TYW1: variants seen among roughly 807,000 people sequenced by gnomAD.
TYW1 encodes the protein S-adenosyl-L-methionine-dependent tRNA 4-demethylwyosine synthase TYW1.
A neutral mutation model predicts 96.2 loss-of-function variants in TYW1; 46 were observed. The observed-to-expected ratio is 0.48, with a 90% CI of 0.38 to 0.61. The LOEUF (loss-of-function observed/expected upper bound fraction) is 0.61, where lower values mean the gene tolerates loss of function less well. TYW1 is among the 20% of genes least tolerant of loss of function. The probability of loss-of-function intolerance (pLI) is 0.00; values close to 1 mark genes in which losing one functional copy is unlikely to be tolerated. For synonymous variants in TYW1, 274 were observed against 323.0 expected (o/e 0.85, Z 1.63); for missense variants, 684 against 909.6 (o/e 0.75, Z 3.19).
intron 12 of TYW1, among the ~76,000 whole-genome samples, chr7:67,101,882 A>T (rs1250646046): frequency 6.6e-6 from 1 of 152,236 alleles, no homozygotes; most frequent in Non-Finnish European, 1.5e-5. Flanking sequence ...GTATTGTCAT[A>T]AAGATATCTA....
Position 67,022,138 on chromosome 7 carries a change from G to C in TYW1, c.862-2762G>C, listed in dbSNP as rs557361928. On this transcript the variant is annotated intron_variant, in intron 6 of 15. Transcript: ENST00000359626. ...GTGTTGCCCAGGCTGGTCTCAAACT[G>C]CTGAGCTCAAGCGATCCTCCTGCCT... is the stretch of plus-strand genomic sequence containing the variant. 5.5e-4 allele frequency among the ~76,000 whole-genome samples: 83 copies of C among 152,248 alleles called. 1 individual carries two copies. Among genetic ancestry groups the C allele is most frequent in the Middle Eastern group, 3.4e-3 (1 of 294 alleles).
intron 11 of TYW1, among the ~76,000 whole-genome samples, chr7:67,085,350 A>G (rs940833196): frequency 2.6e-5 from 4 of 152,134 alleles, no homozygotes; most frequent in Non-Finnish European, 5.9e-5. Flanking sequence ...TGGTGTTCTC[A>G]TGATAGTGAG....
At chr7:67,076,417 CTG>C (rs1796207950) in intron 10 of TYW1, among the ~76,000 whole-genome samples, 1 of 152,104 alleles carries the variant, frequency 6.6e-6, no homozygotes, top group Admixed American at 6.6e-5. Flanking sequence ...ATGCACAACT[CTG>C]TGATTATAGC....
Position 67,183,128 on chromosome 7 carries a change from A to G in TYW1, c.1701A>G (p.Gln567=), listed in dbSNP as rs546341528. The change falls in exon 14 of 16, where the codon CAA becomes CAG. Residue 567 remains glutamine (Q), a splice_region_variant and synonymous_variant. Coordinates refer to ENST00000359626, the MANE Select transcript of TYW1 (RefSeq NM_018264.4). ...ACTTGGCTTTTCCTTTGTTTTAGCAACAACGAACTGTCTACAGACTGACGC... is the reference window on the plus strand; with the variant it reads ...ACTTGGCTTTTCCTTTGTTTTAGCAGCAACGAACTGTCTACAGACTGACGC... ...LDSLKALAVK[Q]QRTVYRLTLV... 2 of 1,607,924 alleles carry G rather than the reference A, an allele frequency of 1.2e-6. No individual in the cohort carries two copies. The highest frequency in any genetic ancestry group is 1.3e-5 in the African/African-American group (1 of 74,736).
intron 6 of TYW1, among the ~76,000 whole-genome samples, chr7:67,021,019 C>T (rs1420217289): frequency 1.5e-4 from 23 of 152,386 alleles, no homozygotes; most frequent in East Asian, 1.2e-3. Flanking sequence ...CAGAGCGAGA[C>T]GCTGTCTCCA....
In TYW1 at chr7:67,239,103, C is replaced by T; in HGVS notation, c.*574C>T. 2 of 986,458 alleles carry T rather than the reference C, an allele frequency of 2.0e-6. No individual in the cohort carries two copies. The highest frequency in any genetic ancestry group is 2.4e-6 in the Non-Finnish European group (2 of 830,546). The allele number at this position is 986,458 out of a possible 1,614,324, so 61.1% of individuals were successfully genotyped here. ...AGATTGAGTTTTGGTTTATTACCAA[C>T]CCTTCCCAGAATTGCGTTGGATCTA... On this transcript the variant is annotated 3_prime_UTR_variant, in exon 16 of 16. Coordinates refer to ENST00000359626, the MANE Select transcript of TYW1 (RefSeq NM_018264.4).
intron 13 of TYW1, among the ~76,000 whole-genome samples, chr7:67,143,120 G>A (rs922570810): frequency 1.3e-5 from 2 of 151,382 alleles, no homozygotes; most frequent in Non-Finnish European, 2.9e-5. Flanking sequence ...GTGTATAAAT[G>A]ACTGTCAATA....
intron 7 of TYW1, among the ~76,000 whole-genome samples, chr7:67,039,993 G>C (rs1001936619): frequency 1.2e-4 from 18 of 144,312 alleles, no homozygotes; most frequent in African/African-American, 4.4e-4. Flanking sequence ...GTCTCACTGT[G>C]TCACCTAGGC....
chr7:67,117,829 C>G (rs958275389), intron 13 of TYW1, among the ~76,000 whole-genome samples: 12 of 152,140 alleles, frequency 7.9e-5, no homozygotes, highest in African/African-American at 2.9e-4. Context: ...TTATTGAGTT[C>G]CTCTTAAGTT....
chr7:67,173,428 G>C (rs964701201), intron 13 of TYW1, among the ~76,000 whole-genome samples: 1 of 152,092 alleles, frequency 6.6e-6, no homozygotes, highest in Non-Finnish European at 1.5e-5. Flanking sequence ...ACAACTAAAG[G>C]CTCGATTGAC....
chr7:67,167,292 A>G (rs10250113), intron 13 of TYW1, among the ~76,000 whole-genome samples: 42,513 of 151,744 alleles, frequency 0.28, 6,509 homozygotes, highest in African/African-American at 0.4. Flanking sequence ...ACACGGTGAA[A>G]CCGCGTCTCT....
intron 7 of TYW1, among the ~76,000 whole-genome samples, chr7:67,043,905 T>A (rs960978129): frequency 2.0e-5 from 3 of 152,192 alleles, no homozygotes; most frequent in Non-Finnish European, 4.4e-5. Context: ...TTGGTCATTT[T>A]AAAACTGAAC....
chr7:67,193,629 C>T (rs1388624170), intron 14 of TYW1, among the ~76,000 whole-genome samples: 3 of 151,922 alleles, frequency 2.0e-5, no homozygotes, highest in Non-Finnish European at 2.9e-5. Flanking sequence ...CGTGGTGGCA[C>T]GTGCCTGTAT....
At chr7:67,203,351 A>T (rs547616868) in intron 15 of TYW1, among the ~76,000 whole-genome samples, 1 of 152,380 alleles carries the variant, frequency 6.6e-6, no homozygotes, top group South Asian at 2.1e-4. Flanking sequence ...TATAGGCAAC[A>T]TACAGTTGTC....
chr7:67,188,470 T>C (rs560686691), intron 14 of TYW1, among the ~76,000 whole-genome samples: 1 of 152,244 alleles, frequency 6.6e-6, no homozygotes, highest in East Asian at 1.9e-4. Context: ...ACCATACGTT[T>C]GGGAAGGTGC....
At chr7:67,072,422 A>G (rs939204513) in intron 10 of TYW1, among the ~76,000 whole-genome samples, 3 of 151,648 alleles carry the variant, frequency 2.0e-5, no homozygotes, top group African/African-American at 7.3e-5. Context: ...AATTTTTTGT[A>G]TCTTTTACCA....
chr7:67,202,521 C>A (rs1050688894), intron 15 of TYW1, among the ~76,000 whole-genome samples: 2 of 152,100 alleles, frequency 1.3e-5, no homozygotes, highest in Admixed American at 1.3e-4. Context: ...TTAAGCCTCT[C>A]GAGTAGCTGG....
intron 11 of TYW1, among the ~76,000 whole-genome samples, chr7:67,094,742 T>A (rs1045738035): frequency 6.6e-6 from 1 of 151,726 alleles, no homozygotes; most frequent in Non-Finnish European, 1.5e-5. Flanking sequence ...AGAGAATGAC[T>A]GTATGTTCTA....
rs2116371249 is a variant in TYW1 at position 67,204,546 on chromosome 7, T to TTCC, written c.1977+9211_1977+9212insCTC. On this transcript the variant is annotated intron_variant, in intron 15 of 15. Transcript: ENST00000359626. ...CTTCTTCTTCCTCTTCCTCTTCCTC[T>TTCC]TCTTCTTCTTCTTCTTTCTTCTTCC... 2.2e-5 allele frequency among the ~76,000 whole-genome samples: 3 copies of TTCC among 136,418 alleles called. No homozygotes were observed. In the East Asian group the frequency reaches 6.8e-4, roughly 31 times the overall value. The allele number at this position is 136,418 out of a possible 152,430, so 89.5% of individuals were successfully genotyped here.
Sources: gnomAD v4.1 joint callset for allele counts (sites outside exome capture counted in the v4.1 genomes callset) on GRCh38, gnomAD v4.1.1 for gene constraint, MANE v1.5 for transcripts, NCBI Gene and HGNC (gene_info 2026-07-23, HGNC 2026-07-21) for gene names.